Variants in DSCAM observed in about 807,000 individuals in gnomAD.
DSCAM encodes cell adhesion molecule DSCAM.
Under a neutral mutation model 217.7 loss-of-function variants are expected in DSCAM, and 47 were observed. The ratio of observed to expected loss-of-function variants is 0.22; its 90% CI spans 0.17 to 0.28. DSCAM has a LOEUF of 0.28. DSCAM is among the 10% of genes least tolerant of loss of function. DSCAM has a pLI of 1.00. For synonymous variants in DSCAM, 1,056 were observed against 1,015.3 expected (o/e 1.04, Z -0.76); for missense variants, 2,080 against 2,618.3 (o/e 0.79, Z 4.49).
At chr21:40,099,124 A>G (rs1222205982) in intron 20 of DSCAM, among the ~76,000 whole-genome samples, 1 of 152,246 alleles carries the variant, frequency 6.6e-6, no homozygotes. Flanking sequence ...ATTAAGATAT[A>G]TTTATAAAAT....
intron 3 of DSCAM, among the ~76,000 whole-genome samples, chr21:40,499,914 G>C (rs997576303): frequency 6.6e-6 from 1 of 152,072 alleles, no homozygotes; most frequent in Non-Finnish European, 1.5e-5. Flanking sequence ...CTGAGTAGCT[G>C]GGACTACAGA....
chr21:40,052,194 G>A, intron 29 of DSCAM, 87 bp from the exon 30 acceptor site: 1 of 1,453,602 alleles, frequency 6.9e-7, no homozygotes, highest in South Asian at 1.3e-5. Flanking sequence ...AGGCACTTGT[G>A]TTATTGTTAA....
At chr21:40,637,378 AATATAAATATAT>A (rs2089795283) in intron 3 of DSCAM, among the ~76,000 whole-genome samples, 1 of 25,894 alleles carries the variant, frequency 3.9e-5, no homozygotes, top group Non-Finnish European at 6.5e-5. Context: ...AATATATATA[AATATAAATATAT>A]ATATAAATAT....
intron 11 of DSCAM, among the ~76,000 whole-genome samples, chr21:40,206,797 G>C (rs2091131908): frequency 6.6e-6 from 1 of 152,098 alleles, no homozygotes; most frequent in African/African-American, 2.4e-5. Context: ...TGTAGTCCCA[G>C]CTAGCTGGGG....
At chr21:40,272,797 A>T (rs1016623303) in intron 11 of DSCAM, among the ~76,000 whole-genome samples, 2 of 152,174 alleles carry the variant, frequency 1.3e-5, no homozygotes, top group African/African-American at 4.8e-5. Context: ...CCCATTTTTT[A>T]AAATGACTTA....
intron 3 of DSCAM, among the ~76,000 whole-genome samples, chr21:40,645,285 A>G (rs1007708723): frequency 2.0e-5 from 3 of 152,232 alleles, no homozygotes; most frequent in African/African-American, 4.8e-5. Context: ...ATGATTGAGT[A>G]TGCTACACAG....
Position 40,265,195 on chromosome 21 carries a change from C to CA in DSCAM, c.2356+10901dup, listed in dbSNP as rs111908768. On this transcript the variant is annotated intron_variant, in intron 11 of 32. Coordinates refer to ENST00000400454, the MANE Select transcript of DSCAM (RefSeq NM_001389.5). ...TGGGGGACAGAGCAAAATTCCGTCT[C>CA]AAAAAAAAAAGAAAAAAAAAAGAAC... 6.3e-3 allele frequency among the ~76,000 whole-genome samples: 754 copies of CA among 118,838 alleles called. 8 individuals carry two copies. Among genetic ancestry groups the CA allele is most frequent in the Admixed American group, 6.5e-3 (69 of 10,536 alleles). 78.0% of individuals were successfully genotyped at this position (118,838 alleles called of 152,430 possible).
intron 8 of DSCAM, among the ~76,000 whole-genome samples, chr21:40,327,196 T>C (rs2074327148): frequency 6.6e-6 from 1 of 152,080 alleles, no homozygotes; most frequent in African/African-American, 2.4e-5. Context: ...CACAAACGTG[T>C]GTGTATTTGC....
chr21:40,705,949 G>A (rs1249419400), intron 2 of DSCAM, among the ~76,000 whole-genome samples: 1 of 152,150 alleles, frequency 6.6e-6, no homozygotes, highest in Non-Finnish European at 1.5e-5. Context: ...GGGAGGCCGA[G>A]GTGGGCAGAT....
intron 20 of DSCAM, among the ~76,000 whole-genome samples, chr21:40,110,061 A>T (rs1044244708): frequency 6.6e-6 from 1 of 152,216 alleles, no homozygotes; most frequent in African/African-American, 2.4e-5. Context: ...ACAGCTTTGA[A>T]GAGAGTAGTG....
chr21:40,324,019 C>G (rs1487332422), intron 8 of DSCAM, among the ~76,000 whole-genome samples: 1 of 137,886 alleles, frequency 7.3e-6, no homozygotes, highest in African/African-American at 2.7e-5. Context: ...TAGAGAATTG[C>G]TTGAACCCAG....
chr21:40,274,971 T>C (rs1286711752), intron 11 of DSCAM, among the ~76,000 whole-genome samples: 3 of 151,996 alleles, frequency 2.0e-5, no homozygotes, highest in Non-Finnish European at 4.4e-5. Flanking sequence ...ATTCTTCTAA[T>C]AAATCATATA....
intron 9 of DSCAM, among the ~76,000 whole-genome samples, chr21:40,297,648 T>C (rs1382637811): frequency 1.3e-5 from 2 of 152,130 alleles, no homozygotes; most frequent in Non-Finnish European, 2.9e-5. Context: ...TGAGCCAACG[T>C]GACGATCGCT....
chr21:40,216,422 AT>A lies in DSCAM; in HGVS notation c.2357-27185del, dbSNP rs964468686. Among the ~76,000 whole-genome samples the A allele has an allele frequency of 1.4e-4, 22 of 152,108 alleles. 1 individual carries two copies. In the East Asian group the frequency reaches 1.7e-3, roughly 12 times the overall value. ...AACAACTACACCCAGCCAATGATCC[AT>A]TTTTTTATGAAATTTATATTAAACT... is the stretch of plus-strand genomic sequence containing the variant. On this transcript the variant is annotated intron_variant, in intron 11 of 32. Transcript: ENST00000400454.
chr21:40,692,169 C>T (rs1005896072), intron 3 of DSCAM, among the ~76,000 whole-genome samples: 53 of 152,256 alleles, frequency 3.5e-4, no homozygotes, highest in Admixed American at 1.4e-3. Context: ...CCATGCATCA[C>T]GCGGACAGTC....
chr21:40,064,307 C>T (rs1195073523), intron 27 of DSCAM, among the ~76,000 whole-genome samples: 1 of 152,096 alleles, frequency 6.6e-6, no homozygotes, highest in Non-Finnish European at 1.5e-5. Context: ...AAACATCCCA[C>T]TTCAGTTCAC....
chr21:40,565,025 A>G (rs1361542747), intron 3 of DSCAM, among the ~76,000 whole-genome samples: 2 of 152,160 alleles, frequency 1.3e-5, no homozygotes, highest in African/African-American at 2.4e-5. Context: ...ACACGGTGCC[A>G]TTTCCAAAAT....
At chr21:40,674,556 C>T (rs1221920971) in intron 3 of DSCAM, among the ~76,000 whole-genome samples, 1 of 151,854 alleles carries the variant, frequency 6.6e-6, no homozygotes, top group Non-Finnish European at 1.5e-5. Context: ...AGGCTACAAC[C>T]TCACCCCTGG....
chr21:40,278,492 G>A lies in DSCAM; in HGVS notation c.2183-2222C>T, dbSNP rs141898774. 3.8e-4 allele frequency among the ~76,000 whole-genome samples: 58 copies of A among 152,166 alleles called. 1 individual carries two copies. The East Asian group carries it at 7.9e-3, about 21-fold the overall frequency. On this transcript the variant is annotated intron_variant, in intron 10 of 32. Coordinates refer to ENST00000400454, the MANE Select transcript of DSCAM (RefSeq NM_001389.5). ...TCACACCTGTAATCCCAGCACTCTC[G>A]GAGACCAGGGTGGGGGCAAGACTTG...
Sources: gnomAD v4.1 joint callset for allele counts (sites outside exome capture counted in the v4.1 genomes callset) on GRCh38, gnomAD v4.1.1 for gene constraint, MANE v1.5 for transcripts, NCBI Gene and HGNC (gene_info 2026-07-23, HGNC 2026-07-21) for gene names.